The following SLC12A2 variants were observed in gnomAD, a reference collection of about 807,000 sequenced individuals.
SLC12A2 encodes the protein solute carrier family 12 member 2, also known as Na-K-2Cl cotransporter 1.
In SLC12A2, 67 loss-of-function variants were observed where a neutral mutation model predicts 136.3. The observed-to-expected ratio is 0.49, with a 90% confidence interval of 0.40 to 0.60. The LOEUF is 0.60. Among genes scored for constraint, SLC12A2 ranks in the 20% least tolerant of loss-of-function variants. SLC12A2 has a pLI of 0.00. For synonymous variants in SLC12A2, 619 were observed against 562.9 expected (o/e 1.10, Z -1.41); for missense variants, 1,322 against 1,534.7 (o/e 0.86, Z 2.32).
At chr5:128,159,646 C>T (rs773270393) in intron 16 of SLC12A2, among the ~76,000 whole-genome samples, 40 of 152,282 alleles carry the variant, frequency 2.6e-4, no homozygotes, top group Non-Finnish European at 3.7e-4. Context: ...AAAAGCTCAT[C>T]GTCACTGGTC....
intron 13 of SLC12A2, 103 bp downstream of exon 13, chr5:128,150,201 A>C (rs908744121): frequency 1.4e-6 from 1 of 700,304 alleles, no homozygotes; most frequent in Admixed American, 2.3e-5. Flanking sequence ...GGGTTAGTTC[A>C]TTAATGCCAA....
At chr5:128,112,703 C>A in intron 1 of SLC12A2, 111 bp from the exon 2 acceptor site, 1 of 696,412 alleles carries the variant, frequency 1.4e-6, no homozygotes, top group South Asian at 2.8e-5. Context: ...TCTTGGAAAT[C>A]TGTACTATGC....
Position 128,131,055 on chromosome 5 carries a change from G to GT in SLC12A2, c.1049-9dup. The stretch of plus-strand genomic sequence containing the variant: ...TAGTACCTGTTTTTTTTGTTTGTTT[G>GT]TTTGTTTTTAGGAGGAGCATATTAT... On this transcript the variant is annotated splice_polypyrimidine_tract_variant and intron_variant, in intron 4 of 26. Transcript: ENST00000262461. 6.2e-7 allele frequency: 1 copy of GT among 1,608,460 alleles called. No individual in the cohort carries two copies. The highest frequency in any genetic ancestry group is 8.5e-7 in the Non-Finnish European group (1 of 1,178,012).
rs113710756 is a variant in SLC12A2, at chr5:128,142,033, G to C, written c.1773+52G>C. ...ACATTCTGTATTTATCTAGGGGTGA[G>C]ACTACTATCAAATATGACCATTCAG... On this transcript the variant is annotated intron_variant, in intron 10 of 26. Transcript: ENST00000262461. 3,621 of 1,446,262 alleles carry C rather than the reference G, an allele frequency of 2.5e-3. 6 individuals are homozygous for C. The highest frequency in any genetic ancestry group is 3.1e-3 in the Non-Finnish European group (3,208 of 1,034,290). 89.6% of individuals were successfully genotyped at this position (1,446,262 alleles called of 1,614,324 possible).
At chr5:128,136,570 A>G (rs979013558) in intron 7 of SLC12A2, among the ~76,000 whole-genome samples, 7 of 152,098 alleles carry the variant, frequency 4.6e-5, no homozygotes, top group Admixed American at 3.3e-4. Context: ...GTTGGTTAAA[A>G]TATGTCAGAT....
chr5:128,114,461 A>T, intron 3 of SLC12A2, 125 bp from the exon 4 acceptor site: 1 of 829,430 alleles, frequency 1.2e-6, no homozygotes, highest in Non-Finnish European at 1.9e-6. Flanking sequence ...TTATAAAATG[A>T]GATCAAAATT....
chr5:128,116,718 C>G (rs553347924), intron 4 of SLC12A2, among the ~76,000 whole-genome samples: 1 of 152,120 alleles, frequency 6.6e-6, no homozygotes, highest in African/African-American at 2.4e-5. Context: ...CCAGATACTA[C>G]GAAGCTTTCT....
chr5:128,184,662 T>G (rs1373228996), intron 25 of SLC12A2, 127 bp from the exon 26 acceptor site: 1 of 1,488,218 alleles, frequency 6.7e-7, no homozygotes, highest in Non-Finnish European at 9.1e-7. Context: ...AAAATAAAAA[T>G]AGAGAACAGA....
chr5:128,187,678 T>G lies in SLC12A2; in HGVS notation c.*1047T>G, dbSNP rs1433864296. 1.3e-5 allele frequency: 2 copies of G among 152,620 alleles called. No homozygotes were observed. Among genetic ancestry groups the G allele is most frequent in the East Asian group, 3.8e-4 (2 of 5,202 alleles). The allele number at this position is 152,620 out of a possible 1,614,324, so 9.5% of individuals were successfully genotyped here. A position where few individuals can be genotyped will look rare whatever the true frequency, so the allele number is the denominator to read the frequency against. On this transcript the variant is annotated 3_prime_UTR_variant, in exon 27 of 27. Transcript: ENST00000262461. ...TTTCTTAGAGAAATGTTTTTAGGCT[T>G]AATTCATTCAATTGTCAAGTACACT... is the stretch of plus-strand genomic sequence containing the variant.
intron 17 of SLC12A2, among the ~76,000 whole-genome samples, chr5:128,163,430 G>A: frequency 6.6e-6 from 1 of 152,142 alleles, no homozygotes; most frequent in Non-Finnish European, 1.5e-5. Flanking sequence ...CTGGGAGGCT[G>A]AGGCAGGAGA....
intron 15 of SLC12A2, among the ~76,000 whole-genome samples, chr5:128,154,945 C>T (rs942672171): frequency 6.6e-6 from 1 of 151,684 alleles, no homozygotes; most frequent in Non-Finnish European, 1.5e-5. Context: ...GAACTTTCAC[C>T]TTTTCACTTA....
At chr5:128,174,749 A>G in intron 20 of SLC12A2, 83 bp downstream of exon 20, 1 of 1,119,580 alleles carries the variant, frequency 8.9e-7, no homozygotes, top group Non-Finnish European at 1.2e-6. Flanking sequence ...AATATGTCTT[A>G]TAAAAATAAC....
chr5:128,165,217 C>T (rs1157625606), intron 17 of SLC12A2, among the ~76,000 whole-genome samples: 1 of 152,144 alleles, frequency 6.6e-6, no homozygotes, highest in Non-Finnish European at 1.5e-5. Flanking sequence ...GAGCAAAGGA[C>T]ATTAGCATTG....
At position 128,138,623 on chromosome 5, in the gene SLC12A2, C is replaced by G; in HGVS notation, c.1435C>G (p.Pro479Ala). The G allele has an allele frequency of 5.6e-6, 9 of 1,611,376 alleles. No homozygotes were observed. The highest frequency in any genetic ancestry group is 7.6e-6 in the Non-Finnish European group (9 of 1,179,284). ...TGAAATATTTAATGAGAACTTTGGGCCCGATTTTCGAGAGGAAGAGACTTT... is the reference window on the plus strand; with the variant it reads ...TGAAATATTTAATGAGAACTTTGGGGCCGATTTTCGAGAGGAAGAGACTTT... ...KSEIFNENFG[P>A]DFREEETFFS... Residue 479 changes from proline (P) to alanine (A), a missense_variant, in exon 8 of 27, where the codon CCC becomes GCC. Physicochemically the swap from Pro to Ala is conservative, Grantham distance 27. Transcript: ENST00000262461.
chr5:128,130,963 T>C (rs891781043), intron 4 of SLC12A2, 104 bp from the exon 5 acceptor site: 23 of 1,019,768 alleles, frequency 2.3e-5, no homozygotes, highest in Non-Finnish European at 3.4e-5. Flanking sequence ...GCTCTGCTTA[T>C]TGGGGGCATC....
chr5:128,084,734 C>T lies in SLC12A2; in HGVS notation c.756+24C>T, dbSNP rs1438082574. The T allele has an allele frequency of 6.5e-7, 1 of 1,535,916 alleles. No homozygotes were observed. Among genetic ancestry groups the T allele is most frequent in the South Asian group, 1.2e-5 (1 of 80,294 alleles). ...AGGTGAGCTCGCCCAGCCCTCCCTT[C>T]TTCCCCAGCCCCTGGTGCATGCCGA... On this transcript the variant is annotated intron_variant, in intron 1 of 26. Transcript: ENST00000262461. The surrounding 1 kb of genome is among the most constrained non-coding windows in gnomAD (Gnocchi z 5.6).
chr5:128,134,919 A>G (rs1025697582), intron 6 of SLC12A2, among the ~76,000 whole-genome samples: 2 of 152,126 alleles, frequency 1.3e-5, no homozygotes, highest in African/African-American at 2.4e-5. Context: ...TACCAAACCA[A>G]AAATTAGGAA....
chr5:128,165,130 C>T (rs1763161226), intron 17 of SLC12A2, among the ~76,000 whole-genome samples: 1 of 152,166 alleles, frequency 6.6e-6, no homozygotes, highest in Non-Finnish European at 1.5e-5. Flanking sequence ...GCATGAGCAT[C>T]CATGCCCAGC....
chr5:128,180,836 A>T (rs1763682939), intron 22 of SLC12A2, 47 bp from the exon 23 acceptor site: 16 of 1,103,244 alleles, frequency 1.5e-5, no homozygotes, highest in Non-Finnish European at 2.1e-5. Context: ...GTTCCTGATT[A>T]AGAAATTTGC....
Sources: allele counts gnomAD v4.1 joint callset (sites outside exome capture counted in the v4.1 genomes callset), GRCh38; gene constraint gnomAD v4.1.1; non-coding constraint Gnocchi (gnomAD v3.1); transcripts MANE v1.5; gene names NCBI Gene and HGNC (gene_info 2026-07-23, HGNC 2026-07-21).